Variants in SCFD2 observed in about 807,000 individuals in gnomAD.
SCFD2 encodes the protein sec1 family domain-containing protein 2.
Under a neutral mutation model 58.9 loss-of-function variants are expected in SCFD2, and 54 were observed. The ratio of observed to expected loss-of-function variants is 0.92; its 90% confidence interval spans 0.74 to 1.15. The LOEUF is 1.15. SCFD2 is among the 50% of genes most tolerant of loss of function. The pLI is 0.00. For synonymous variants in SCFD2, 321 were observed against 335.9 expected, an observed-to-expected ratio of 0.96 and a Z score of 0.49; for missense variants, 805 against 836.6, an observed-to-expected ratio of 0.96 and a Z score of 0.47.
At chr4:53,320,149 G>T (rs1732983569) in intron 2 of SCFD2, among the ~76,000 whole-genome samples, 1 of 152,200 alleles carries the variant, frequency 6.6e-6, no homozygotes, top group African/African-American at 2.4e-5. Context: ...GATTCTAAAT[G>T]AGATAAAACA....
intron 5 of SCFD2, among the ~76,000 whole-genome samples, chr4:53,002,304 G>C (rs1721880493): frequency 1.3e-5 from 2 of 152,162 alleles, no homozygotes; most frequent in African/African-American, 2.4e-5. Context: ...CAGGGAGCAA[G>C]AGGTGAGGAT....
At chr4:53,172,757 A>G (rs1727217539) in intron 4 of SCFD2, among the ~76,000 whole-genome samples, 1 of 152,314 alleles carries the variant, frequency 6.6e-6, no homozygotes, top group Middle Eastern at 3.4e-3. Context: ...TTGTGGCCCA[A>G]TATATGATCT....
intron 5 of SCFD2, among the ~76,000 whole-genome samples, chr4:53,136,358 GAATAGACTAGAT>G (rs1254221385): frequency 2.0e-5 from 3 of 152,050 alleles, no homozygotes; most frequent in Non-Finnish European, 4.4e-5. Flanking sequence ...TGAGCAGAGC[GAATAGACTAGAT>G]AATTGTTGAG....
intron 4 of SCFD2, among the ~76,000 whole-genome samples, chr4:53,194,304 G>A (rs1201534545): frequency 6.6e-6 from 1 of 151,948 alleles, no homozygotes; most frequent in Non-Finnish European, 1.5e-5. Context: ...CTACCACTAT[G>A]TTAGCTTATA....
chr4:53,324,546 G>A (rs1231501311), intron 2 of SCFD2, among the ~76,000 whole-genome samples: 2 of 152,122 alleles, frequency 1.3e-5, no homozygotes. Flanking sequence ...AGGGCCACAT[G>A]GGGAAGCACC....
chr4:53,298,878 G>C (rs1393696290), intron 3 of SCFD2, among the ~76,000 whole-genome samples: 1 of 152,228 alleles, frequency 6.6e-6, no homozygotes, highest in African/African-American at 2.4e-5. Flanking sequence ...ACCTGCAGCT[G>C]AGGGTCCTGA....
chr4:53,227,983 A>T (rs1434760427), intron 4 of SCFD2, among the ~76,000 whole-genome samples: 1 of 152,190 alleles, frequency 6.6e-6, no homozygotes, highest in East Asian at 1.9e-4. Context: ...CAGACTTTGG[A>T]GTCAGGCAGA....
intron 4 of SCFD2, among the ~76,000 whole-genome samples, chr4:53,239,352 G>A (rs1174331657): frequency 1.3e-5 from 2 of 151,250 alleles, no homozygotes; most frequent in Non-Finnish European, 2.9e-5. Flanking sequence ...AAGAGAGGGA[G>A]AGGGAGACCA....
At chr4:53,013,588 A>C (rs1185975390) in intron 5 of SCFD2, among the ~76,000 whole-genome samples, 1 of 152,174 alleles carries the variant, frequency 6.6e-6, no homozygotes, top group Non-Finnish European at 1.5e-5. Flanking sequence ...AATTTCTGTC[A>C]AAACTACTCA....
chr4:52,936,130 C>A (rs1231339387), intron 5 of SCFD2, among the ~76,000 whole-genome samples: 7 of 152,186 alleles, frequency 4.6e-5, no homozygotes, highest in Admixed American at 4.6e-4. Flanking sequence ...AGCCACCGCA[C>A]CCAGACTTCC....
At chr4:53,066,801 C>T (rs536490489) in intron 5 of SCFD2, among the ~76,000 whole-genome samples, 1 of 152,196 alleles carries the variant, frequency 6.6e-6, no homozygotes, top group South Asian at 2.1e-4. Context: ...GATTCAAACC[C>T]TCTCCATAAT....
intron 5 of SCFD2, among the ~76,000 whole-genome samples, chr4:53,014,417 G>A (rs1722164615): frequency 6.6e-6 from 1 of 152,206 alleles, no homozygotes; most frequent in African/African-American, 2.4e-5. Flanking sequence ...TGTCCAAGTT[G>A]ACATTTTTAA....
chr4:53,058,703 C>T (rs1192623177), intron 5 of SCFD2, among the ~76,000 whole-genome samples: 1 of 152,042 alleles, frequency 6.6e-6, no homozygotes, highest in East Asian at 1.9e-4. Context: ...CTTTTGGTTT[C>T]GATCTCTGGG....
chr4:53,215,892 A>T (rs901890839), intron 4 of SCFD2, among the ~76,000 whole-genome samples: 1 of 152,098 alleles, frequency 6.6e-6, no homozygotes, highest in Non-Finnish European at 1.5e-5. Flanking sequence ...TTCTGCATCT[A>T]TTGAGATAAT....
intron 5 of SCFD2, among the ~76,000 whole-genome samples, chr4:52,994,112 T>C (rs566799007): frequency 6.6e-6 from 1 of 152,280 alleles, no homozygotes; most frequent in African/African-American, 2.4e-5. Context: ...GCAGTTCCTC[T>C]GAATGGTTGG....
intron 5 of SCFD2, among the ~76,000 whole-genome samples, chr4:53,045,939 A>G (rs569521202): frequency 4.6e-5 from 7 of 152,166 alleles, no homozygotes; most frequent in Admixed American, 1.3e-4. Flanking sequence ...AAAAAAATCT[A>G]TAGCTTTGTA....
chr4:52,969,107 C>T (rs1721033644), intron 5 of SCFD2, among the ~76,000 whole-genome samples: 1 of 152,146 alleles, frequency 6.6e-6, no homozygotes, highest in South Asian at 2.1e-4. Context: ...TGGGTTTAGC[C>T]AGACTCTCCC....
intron 5 of SCFD2, among the ~76,000 whole-genome samples, chr4:52,929,260 T>C (rs1262243216): frequency 6.6e-6 from 1 of 152,074 alleles, no homozygotes; most frequent in Non-Finnish European, 1.5e-5. Context: ...CAGGATAGGG[T>C]GGTGGATTCA....
chr4:53,131,022 A>G (rs1725772529), intron 5 of SCFD2, among the ~76,000 whole-genome samples: 1 of 152,242 alleles, frequency 6.6e-6, no homozygotes. Flanking sequence ...ACATATTAGC[A>G]AAATATATGA....
Sources: gnomAD v4.1 joint callset for allele counts (sites outside exome capture counted in the v4.1 genomes callset) on GRCh38, gnomAD v4.1.1 for gene constraint, MANE v1.5 for transcripts, NCBI Gene and HGNC (gene_info 2026-07-23, HGNC 2026-07-21) for gene names.